NLRP1: variants seen among roughly 807,000 people sequenced by gnomAD.
The protein encoded by NLRP1 is NACHT, LRR and PYD domains-containing protein 1.
Under a neutral mutation model 136.7 loss-of-function variants are expected in NLRP1, and 94 were observed. The observed-to-expected ratio is 0.69, with a 90% CI of 0.58 to 0.82. NLRP1 has a LOEUF of 0.82. Among genes scored for constraint, NLRP1 ranks in the 40% least tolerant of loss-of-function variants. The pLI, the probability that NLRP1 is intolerant of heterozygous loss-of-function variation, is 0.00. For missense variants in NLRP1, 1,575 were observed against 1,802.7 expected (o/e 0.87, Z 2.29); for synonymous variants, 690 against 725.1 (o/e 0.95, Z 0.78).
At chr17:5,547,674 C>G (rs1912851018) in intron 5 of NLRP1, among the ~76,000 whole-genome samples, 1 of 152,072 alleles carries the variant, frequency 6.6e-6, no homozygotes, top group South Asian at 2.1e-4. Context: ...GAGGTAGAAC[C>G]AGGATTCCTT....
In NLRP1 at chr17:5,515,041, G is replaced by A. The variant is rs1290522675; in HGVS notation, c.4135C>T (p.Leu1379=). ...VPSPLDAPQL[L]HFVDQYREQL... ...TCTCGATACTGGTCCACAAAGTGCA[G>A]CAACTGCGGGGCATCCAGAGGTGAA... The change falls in exon 17 of 17, where the codon CTG becomes TTG. Residue 1379 remains leucine, a synonymous_variant. Transcript: ENST00000572272. The A allele has an allele frequency of 6.2e-7, 1 of 1,614,160 alleles. No homozygotes were observed. Among genetic ancestry groups the A allele is most frequent in the East Asian group, 2.2e-5 (1 of 44,876 alleles).
rs141666013 is a variant in NLRP1, at chr17:5,583,078, CCTGA to C, written c.272-236_272-233del. Among the ~76,000 whole-genome samples the C allele has an allele frequency of 0.016, 2,389 of 152,182 alleles. 56 individuals carry two copies. Among genetic ancestry groups the C allele is most frequent in the African/African-American group, 0.055 (2,276 of 41,494 alleles). ...AGGAAATTTGCATATCTGTCTTGGTCCTGACTATCTCCCTGTGTAAATCACTACT... is the reference window on the plus strand; with the variant it reads ...AGGAAATTTGCATATCTGTCTTGGTCCTATCTCCCTGTGTAAATCACTACT... On this transcript the variant is annotated intron_variant, in intron 1 of 16. Transcript: ENST00000572272. This position sits in a 1 kb window ranked among gnomAD's most constrained non-coding sequence, Gnocchi z 4.5.
In NLRP1 at chr17:5,504,010, A is replaced by G. The variant is rs1435455948; in HGVS notation, c.4070-2138T>C. The G allele has an allele frequency of 1.3e-5, 2 of 152,276 alleles. No homozygotes were observed. Among genetic ancestry groups the G allele is most frequent in the African/African-American group, 2.4e-5 (1 of 41,410 alleles). The allele number at this position is 152,276 out of a possible 1,614,324, so 9.4% of individuals were successfully genotyped here. On this transcript the variant is annotated intron_variant, in intron 15 of 15. Coordinates refer to the NLRP1 transcript ENST00000262467. The surrounding 1 kb of genome is among the most constrained non-coding windows in gnomAD (Gnocchi z 4.4). ...AGGGGTATTTGCCTCTGGAAGAAAG[A>G]TACACTGTCTGAGTCAATAGGAATC...
intron 12 of NLRP1, among the ~76,000 whole-genome samples, chr17:5,523,894 CTA>C (rs1396021356): frequency 6.6e-6 from 1 of 152,222 alleles, no homozygotes; most frequent in African/African-American, 2.4e-5. Flanking sequence ...AAGAATTCAC[CTA>C]TGAATCTTAC....
chr17:5,529,373 T>C (rs1050318968), intron 12 of NLRP1, among the ~76,000 whole-genome samples: 2 of 150,758 alleles, frequency 1.3e-5, no homozygotes, highest in Non-Finnish European at 3.0e-5. Flanking sequence ...TTTATTCTTT[T>C]TTTTTTTTTT....
At chr17:5,579,508 C>A (rs565306574) in intron 3 of NLRP1, among the ~76,000 whole-genome samples, 1 of 152,294 alleles carries the variant, frequency 6.6e-6, no homozygotes, top group East Asian at 1.9e-4. Flanking sequence ...TAAATTAGTT[C>A]AGCCACTGTG....
intron 7 of NLRP1, among the ~76,000 whole-genome samples, chr17:5,538,672 G>C (rs1911416814): frequency 6.6e-6 from 1 of 152,098 alleles, no homozygotes; most frequent in South Asian, 2.1e-4. Context: ...TGTCTGTTTG[G>C]TCACTATTGT....
Position 5,558,869 on chromosome 17 carries a change from A to T in NLRP1, c.1827T>A (p.Ile609=). ...AIISTFLKMG[I]LQEHPIPLSY... ...TCAGAGGGATGGGGTGCTCTTGAAG[A>T]ATACCCATCTTCAAGAAGGTGGAGA... is the stretch of plus-strand genomic sequence containing the variant. The change falls in exon 4 of 17, where the codon ATT becomes ATA. Residue 609 remains isoleucine (I), a synonymous_variant. Coordinates refer to ENST00000572272, the MANE Select transcript of NLRP1 (RefSeq NM_033004.4). 6.2e-7 allele frequency: 1 copy of T among 1,614,062 alleles called. No homozygotes were observed. The highest frequency in any genetic ancestry group is 8.5e-7 in the Non-Finnish European group (1 of 1,179,934).
intron 15 of NLRP1, chr17:5,506,106 G>A (rs1028933569): frequency 2.0e-5 from 3 of 151,964 alleles, no homozygotes; most frequent in African/African-American, 2.4e-5. Flanking sequence ...CCAACATGGT[G>A]AAACCCCGTC....
chr17:5,545,491 GACAC>G (rs535148508), intron 5 of NLRP1, among the ~76,000 whole-genome samples: 28 of 132,688 alleles, frequency 2.1e-4, no homozygotes, highest in Non-Finnish European at 3.3e-4. Flanking sequence ...CACACACACA[GACAC>G]ACAGACACAC....
chr17:5,560,081 G>A (rs759581599), intron 3 of NLRP1, 38 bp from the exon 4 acceptor site: 15 of 1,479,474 alleles, frequency 1.0e-5, no homozygotes, highest in Admixed American at 2.5e-5. Context: ...TAAAGGTAGA[G>A]AATAGAAGAA....
At position 5,571,067 on chromosome 17, in the gene NLRP1, A is replaced by G. The variant is rs541037275; in HGVS notation, c.652+10792T>C. Among the ~76,000 whole-genome samples, 7 of 152,286 alleles carry G rather than the reference A, an allele frequency of 4.6e-5. No individual in the cohort carries two copies. The East Asian group carries it at 1.3e-3, about 29-fold the overall frequency. The stretch of plus-strand genomic sequence containing the variant: ...ATTTGATAAAATTCAACATCCTTCA[A>G]TGTTAAAACTCTCAACAAACTAGAC... On this transcript the variant is annotated intron_variant, in intron 3 of 16. Transcript: ENST00000572272.
Position 5,514,331 on chromosome 17 carries a change from C to G in NLRP1, c.*423G>C. 1 of 885,164 alleles carries G rather than the reference C, an allele frequency of 1.1e-6. No individual in the cohort carries two copies. The highest frequency in any genetic ancestry group is 4.3e-5 in the South Asian group (1 of 23,018). The allele number at this position is 885,164 out of a possible 1,614,324, so 54.8% of individuals were successfully genotyped here. A position where few individuals can be genotyped will look rare whatever the true frequency, so the allele number is the denominator to read the frequency against. ...CTGTTGGCTTGCTCTTGTAGATCTT[C>G]CTGTACAAAGCCAAGAATCCACGTG... is the stretch of plus-strand genomic sequence containing the variant. On this transcript the variant is annotated 3_prime_UTR_variant, in exon 17 of 17. Coordinates refer to ENST00000572272, the MANE Select transcript of NLRP1 (RefSeq NM_033004.4).
Position 5,583,750 on chromosome 17 carries a change from C to T in NLRP1, c.208G>A (p.Ala70Thr). The stretch of plus-strand genomic sequence containing the variant: ...CCCATCTGCTCCCAGGTATGGAGGG[C>T]TAGGTCCCAGGCCCGCTGCTCCCCA... ...QYGEQRAWDL[A>T]LHTWEQMGLR... The change falls in exon 1 of 17, where the codon GCC becomes ACC. Residue 70 changes from alanine (A) to threonine (T), a missense_variant. Physicochemically the swap from Ala to Thr is moderately conservative, Grantham distance 58 (BLOSUM62 0). Transcript: ENST00000572272. The surrounding 1 kb of genome is among the most constrained non-coding windows in gnomAD (Gnocchi z 4.5). The T allele has an allele frequency of 1.3e-6, 2 of 1,552,890 alleles. No homozygotes were observed. The highest frequency in any genetic ancestry group is 1.9e-4 in the Middle Eastern group (1 of 5,292).
In NLRP1 at chr17:5,514,605, T is replaced by C; in HGVS notation, c.*149A>G. The C allele has an allele frequency of 6.8e-7, 1 of 1,463,828 alleles. No homozygotes were observed. The highest frequency in any genetic ancestry group is 1.4e-5 in the South Asian group (1 of 69,602). The allele number at this position is 1,463,828 out of a possible 1,614,324, so 90.7% of individuals were successfully genotyped here. On this transcript the variant is annotated 3_prime_UTR_variant, in exon 17 of 17. Transcript: ENST00000572272. ...CTGTGGCATCCCTGGCATGGACACA[T>C]AATGCCCAGCAAAGGCATCATCAAA...
chr17:5,569,979 A>G (rs1915703091), intron 3 of NLRP1, among the ~76,000 whole-genome samples: 1 of 152,160 alleles, frequency 6.6e-6, no homozygotes, highest in African/African-American at 2.4e-5. Flanking sequence ...GAACCATACA[A>G]TTCATGGAAA....
At position 5,547,038 on chromosome 17, in the gene NLRP1, C is replaced by T. The variant is rs1160801953; in HGVS notation, c.2529-5011G>A. Among the ~76,000 whole-genome samples, 3 of 152,306 alleles carry T rather than the reference C, an allele frequency of 2.0e-5. No individual in the cohort carries two copies. The East Asian group carries it at 5.8e-4, about 29-fold the overall frequency. On this transcript the variant is annotated intron_variant, in intron 5 of 16. Transcript: ENST00000572272. The stretch of plus-strand genomic sequence containing the variant: ...TGCCCTCACTGAGTTGTGTCCAGCT[C>T]TCCCACTGCTAACTATGTGAATTTG...
intron 14 of NLRP1, chr17:5,518,159 C>A: frequency 3.2e-6 from 1 of 308,340 alleles, no homozygotes; most frequent in Non-Finnish European, 6.1e-6. Context: ...CCTCCCCCAT[C>A]TTGAATCCAA....
chr17:5,552,498 G>A (rs1459894911), intron 5 of NLRP1, among the ~76,000 whole-genome samples: 2 of 152,010 alleles, frequency 1.3e-5, no homozygotes, highest in East Asian at 1.9e-4. Flanking sequence ...CAGCAAGCAC[G>A]AGATCACACT....
Sources: gnomAD v4.1 joint callset for allele counts (sites outside exome capture counted in the v4.1 genomes callset) on GRCh38, gnomAD v4.1.1 for gene constraint, Gnocchi (gnomAD v3.1) non-coding constraint, MANE v1.5 for transcripts, NCBI Gene and HGNC (gene_info 2026-07-23, HGNC 2026-07-21) for gene names.